BLMH: variants seen among roughly 807,000 people sequenced by gnomAD.
BLMH encodes the protein BLM hydrolase.
In BLMH, 32 loss-of-function variants were observed where a neutral mutation model predicts 61.6. That is an observed-to-expected ratio of 0.52 (90% CI 0.39 to 0.70). The LOEUF (loss-of-function observed/expected upper bound fraction) is 0.70. BLMH is among the 30% of genes least tolerant of loss of function. BLMH has a pLI of 0.00. For missense variants in BLMH, 460 were observed against 555.5 expected (o/e 0.83, Z 1.73); for synonymous variants, 183 against 193.8 (o/e 0.94, Z 0.46).
chr17:30,281,293 G>A (rs1427235157), intron 6 of BLMH, among the ~76,000 whole-genome samples: 4 of 151,746 alleles, frequency 2.6e-5, no homozygotes, highest in African/African-American at 9.7e-5. Flanking sequence ...ACTTCTAGAG[G>A]TGTTTATATC....
At chr17:30,253,099 C>T (rs972658091) in intron 11 of BLMH, among the ~76,000 whole-genome samples, 22 of 152,200 alleles carry the variant, frequency 1.4e-4, no homozygotes, top group South Asian at 2.1e-4. Flanking sequence ...TTAGTCGTCC[C>T]TTCCCTCACC....
chr17:30,260,681 A>G (rs1386968432), intron 11 of BLMH, among the ~76,000 whole-genome samples: 1 of 152,078 alleles, frequency 6.6e-6, no homozygotes, highest in Non-Finnish European at 1.5e-5. Context: ...GGAGTTCGAG[A>G]CCAGCCTGGC....
At chr17:30,249,291 G>T (rs1312593897) in intron 11 of BLMH, 123 bp from the exon 12 acceptor site, 19 of 1,033,282 alleles carry the variant, frequency 1.8e-5, no homozygotes, top group Non-Finnish European at 2.3e-5. Flanking sequence ...TTTCCCATCT[G>T]TAATTTCATT....
chr17:30,272,803 A>G lies in BLMH; in HGVS notation c.898T>C (p.Tyr300His). The G allele has an allele frequency of 1.9e-6, 3 of 1,614,204 alleles. No individual in the cohort carries two copies. The highest frequency in any genetic ancestry group is 2.5e-6 in the Non-Finnish European group (3 of 1,180,038). ...SNMVGGRKTL[Y>H]NNQPIDFLKK... Reference sequence around the variant, plus strand: ...AGGAAGTCAATGGGCTGGTTGTTGTATAGAGTTTTTCTCCCTCCAACCATA... The same window carrying G: ...AGGAAGTCAATGGGCTGGTTGTTGTGTAGAGTTTTTCTCCCTCCAACCATA... The change falls in exon 8 of 12, where the codon TAC (tyrosine) becomes CAC (histidine). Residue 300 changes from tyrosine to histidine, a missense_variant. Tyr to His is a moderately conservative substitution (Grantham distance 83). This residue lies in a region of BLMH where 310 missense variants were observed against 371.1 expected (regional missense o/e 0.84). Coordinates refer to ENST00000261714, the MANE Select transcript of BLMH (RefSeq NM_000386.4).
At chr17:30,269,180 GT>G (rs368369374) in intron 10 of BLMH, among the ~76,000 whole-genome samples, 90 of 131,342 alleles carry the variant, frequency 6.9e-4, no homozygotes, top group African/African-American at 6.7e-4. Context: ...TTTATTTATT[GT>G]TTTTTTTTTT....
At chr17:30,282,325 T>C (rs1375091683) in intron 6 of BLMH, among the ~76,000 whole-genome samples, 1 of 151,852 alleles carries the variant, frequency 6.6e-6, no homozygotes, top group East Asian at 1.9e-4. Flanking sequence ...CCGGTGATTC[T>C]TGTGTCTCAG....
rs756617631 is a variant in BLMH, at chr17:30,287,789, A to C, written c.463+17T>G. ...AATCATGCTGAGTTTCAGTTCCATTAAAGAAAGAACTTTTACCAACAATAT... is the reference window on the plus strand; with the variant it reads ...AATCATGCTGAGTTTCAGTTCCATTCAAGAAAGAACTTTTACCAACAATAT... On this transcript the variant is annotated intron_variant, in intron 4 of 11. Coordinates refer to ENST00000261714, the MANE Select transcript of BLMH (RefSeq NM_000386.4). 3.1e-6 allele frequency: 5 copies of C among 1,612,878 alleles called. No homozygotes were observed. In the African/African-American group the frequency reaches 6.7e-5, roughly 22 times the overall value.
At position 30,272,693 on chromosome 17, in the gene BLMH, TAAAAGATGTTTTAACCCCAATGTGCAAA is replaced by T. The variant is rs765784825; in HGVS notation, c.960+20_960+47del. On this transcript the variant is annotated intron_variant, in intron 8 of 11. Coordinates refer to ENST00000261714, the MANE Select transcript of BLMH (RefSeq NM_000386.4). ...CCATCTTCCTATTATACCAAAGAAG[TAAAAGATGTTTTAACCCCAATGTGCAAA>T]ATACAGAAACAATACCAACCTCTCC... 6.2e-7 allele frequency: 1 copy of T among 1,613,840 alleles called. No homozygotes were observed. Among genetic ancestry groups the T allele is most frequent in the East Asian group, 2.2e-5 (1 of 44,876 alleles).
At chr17:30,250,348 AGAGTCTAC>A (rs1907638647) in intron 11 of BLMH, 2 of 152,202 alleles carry the variant, frequency 1.3e-5, no homozygotes, top group Non-Finnish European at 2.9e-5. Flanking sequence ...ACTAACACCC[AGAGTCTAC>A]AAGGAACTCA....
chr17:30,272,930 C>A (rs1302003433), intron 7 of BLMH, 31 bp from the exon 8 acceptor site: 1 of 1,607,810 alleles, frequency 6.2e-7, no homozygotes, highest in African/African-American at 1.3e-5. Context: ...TTAATTAGGG[C>A]ACAAAACCAG....
chr17:30,280,247 T>C lies in BLMH; in HGVS notation c.645+5141A>G, dbSNP rs775975387. Among the ~76,000 whole-genome samples, 87 of 152,212 alleles carry C rather than the reference T, an allele frequency of 5.7e-4. 1 individual carries two copies. Among genetic ancestry groups the C allele is most frequent in the Non-Finnish European group, 6.9e-4 (47 of 68,030 alleles). ...CCTATTGAATTGGGGCAAACTCTCA[T>C]GCTAGTATTCTAAGTTCTTATTATC... On this transcript the variant is annotated intron_variant, in intron 6 of 11. Coordinates refer to ENST00000261714, the MANE Select transcript of BLMH (RefSeq NM_000386.4).
Position 30,266,477 on chromosome 17 carries a change from A to G in BLMH, c.1216+408T>C, listed in dbSNP as rs563526618. On this transcript the variant is annotated intron_variant, in intron 11 of 11. Coordinates refer to ENST00000261714, the MANE Select transcript of BLMH (RefSeq NM_000386.4). Reference sequence around the variant, plus strand: ...GAGGTGGAGCTTGCAGTGAGCCAAGATTACGTCACTGCACTCCAGCCTGGG... The same window carrying G: ...GAGGTGGAGCTTGCAGTGAGCCAAGGTTACGTCACTGCACTCCAGCCTGGG... Among the ~76,000 whole-genome samples the G allele has an allele frequency of 2.7e-5, 4 of 147,504 alleles. No individual in the cohort carries two copies. The South Asian group carries it at 8.7e-4, about 32-fold the overall frequency.
chr17:30,275,252 A>G (rs1341661083), intron 6 of BLMH, among the ~76,000 whole-genome samples: 1 of 152,106 alleles, frequency 6.6e-6, no homozygotes, highest in Non-Finnish European at 1.5e-5. Flanking sequence ...TTTTAGTAAT[A>G]AGGTATAATT....
At chr17:30,285,297 G>T in intron 6 of BLMH, 91 bp downstream of exon 6, 2 of 890,716 alleles carry the variant, frequency 2.2e-6, no homozygotes, top group South Asian at 1.9e-5. Context: ...TCGTTGCCAT[G>T]ACTAAAGCTT....
At chr17:30,271,965 C>A (rs1004561850) in intron 9 of BLMH, among the ~76,000 whole-genome samples, 3 of 152,190 alleles carry the variant, frequency 2.0e-5, no homozygotes, top group Middle Eastern at 3.4e-3. Flanking sequence ...ATTTTTTAAA[C>A]CTCATTAATT....
chr17:30,289,341 A>T, intron 3 of BLMH, 32 bp downstream of exon 3: 1 of 1,441,860 alleles, frequency 6.9e-7, no homozygotes, highest in South Asian at 1.3e-5. Flanking sequence ...TGATATCAAT[A>T]CAAAAAGAAT....
At chr17:30,291,598 G>A (rs1314597865) in intron 1 of BLMH, 90 bp from the exon 2 acceptor site, 1 of 1,510,680 alleles carries the variant, frequency 6.6e-7, no homozygotes, top group Middle Eastern at 2.1e-4. Flanking sequence ...CTTCGTAAGC[G>A]CATCCTGGGG....
At chr17:30,263,548 T>C (rs992296838) in intron 11 of BLMH, among the ~76,000 whole-genome samples, 5 of 152,218 alleles carry the variant, frequency 3.3e-5, no homozygotes, top group African/African-American at 1.2e-4. Flanking sequence ...CAATTTTCAG[T>C]ACAACTGACT....
At chr17:30,271,631 C>G in intron 9 of BLMH, 2 of 347,430 alleles carry the variant, frequency 5.8e-6, no homozygotes, top group Admixed American at 8.5e-5. Context: ...ATAAATTCTC[C>G]ACATCAGAAG....
Sources: gnomAD v4.1 joint callset for allele counts (sites outside exome capture counted in the v4.1 genomes callset) on GRCh38, gnomAD v4.1.1 for gene constraint, gnomAD v4.1.1 regional missense constraint, MANE v1.5 for transcripts, NCBI Gene and HGNC (gene_info 2026-07-23, HGNC 2026-07-21) for gene names.